CSMD1: variants seen among roughly 807,000 people sequenced by gnomAD.
The protein encoded by CSMD1 is CUB and sushi domain-containing protein 1.
Under a neutral mutation model 417.5 loss-of-function variants are expected in CSMD1, and 213 were observed. The observed-to-expected ratio is 0.51, with a 90% CI of 0.46 to 0.57. The LOEUF is 0.57. Ranked by LOEUF, CSMD1 falls within the 20% of genes least tolerant of loss-of-function variation. The pLI is 0.00. For missense variants in CSMD1, 6,923 were observed against 4,529.7 expected (o/e 1.53, Z -15.17); for synonymous variants, 2,862 against 1,736.8 (o/e 1.65, Z -16.11).
chr8:3,252,144 T>G (rs994238794), intron 26 of CSMD1, among the ~76,000 whole-genome samples: 2 of 152,240 alleles, frequency 1.3e-5, no homozygotes, highest in African/African-American at 4.8e-5. Flanking sequence ...TGTGACAGTT[T>G]GCAAAGGGAA....
intron 3 of CSMD1, among the ~76,000 whole-genome samples, chr8:4,169,187 A>G (rs751713805): frequency 2.0e-5 from 3 of 152,148 alleles, no homozygotes; most frequent in Non-Finnish European, 4.4e-5. Flanking sequence ...CAGAATGTTA[A>G]CATAGTGTAC....
Position 3,047,007 on chromosome 8 carries a change from AGACCAGCCT to A in CSMD1, c.7660+5446_7660+5454del, listed in dbSNP as rs112165805. 5.1e-3 allele frequency among the ~76,000 whole-genome samples: 774 copies of A among 152,186 alleles called. 7 individuals carry two copies. The highest frequency in any genetic ancestry group is 0.018 in the African/African-American group (735 of 41,534). On this transcript the variant is annotated intron_variant, in intron 50 of 69. Coordinates refer to ENST00000635120, the MANE Select transcript of CSMD1 (RefSeq NM_033225.6). Reference sequence around the variant, plus strand: ...GGTGAATCATGAAGTCAGGAGTTTGAGACCAGCCTGGCCAACATGGTGAAACCCTGTCTC... The same window carrying A: ...GGTGAATCATGAAGTCAGGAGTTTGAGGCCAACATGGTGAAACCCTGTCTC...
At chr8:4,688,851 G>T (rs765160578) in intron 1 of CSMD1, among the ~76,000 whole-genome samples, 2 of 152,186 alleles carry the variant, frequency 1.3e-5, no homozygotes, top group Non-Finnish European at 2.9e-5. Context: ...GTTGTAGACA[G>T]GGGAAATGAA....
At chr8:4,935,341 G>T (rs556448458) in intron 1 of CSMD1, among the ~76,000 whole-genome samples, 1 of 152,150 alleles carries the variant, frequency 6.6e-6, no homozygotes, top group African/African-American at 2.4e-5. Flanking sequence ...GCGCCCTCTG[G>T]GTGGAGACAT....
intron 7 of CSMD1, among the ~76,000 whole-genome samples, chr8:3,698,761 C>T (rs1047852058): frequency 6.6e-6 from 1 of 152,166 alleles, no homozygotes; most frequent in African/African-American, 2.4e-5. Context: ...TGAAGATTAT[C>T]CATATGCGGA....
intron 1 of CSMD1, among the ~76,000 whole-genome samples, chr8:4,640,271 A>G (rs935064511): frequency 6.6e-6 from 1 of 152,230 alleles, no homozygotes; most frequent in African/African-American, 2.4e-5. Context: ...TTCTTAGCAG[A>G]ATGAATATCA....
chr8:3,967,766 C>A (rs193223507), intron 5 of CSMD1, among the ~76,000 whole-genome samples: 1 of 152,168 alleles, frequency 6.6e-6, no homozygotes, highest in Admixed American at 6.5e-5. Flanking sequence ...TTTAATATTA[C>A]GTGTGAACTA....
chr8:3,979,076 G>C (rs531110975), intron 5 of CSMD1, among the ~76,000 whole-genome samples: 2 of 152,322 alleles, frequency 1.3e-5, no homozygotes, highest in Non-Finnish European at 2.9e-5. Context: ...GATGTGCACA[G>C]CGACCTTTGA....
chr8:3,872,468 T>G (rs1380577045), intron 5 of CSMD1, among the ~76,000 whole-genome samples: 2 of 152,126 alleles, frequency 1.3e-5, no homozygotes, highest in Non-Finnish European at 2.9e-5. Context: ...GAAAAAGCTG[T>G]GGGACAAGGC....
At chr8:4,790,962 A>T (rs778728165) in intron 1 of CSMD1, among the ~76,000 whole-genome samples, 2 of 152,246 alleles carry the variant, frequency 1.3e-5, no homozygotes, top group African/African-American at 4.8e-5. Flanking sequence ...CAACTAAGAC[A>T]AAAGTAAAAA....
At chr8:4,676,363 C>T (rs1006648349) in intron 1 of CSMD1, among the ~76,000 whole-genome samples, 7 of 152,134 alleles carry the variant, frequency 4.6e-5, no homozygotes, top group Non-Finnish European at 1.0e-4. Flanking sequence ...TGCACCACTG[C>T]CCTAATATTA....
At chr8:4,293,915 T>C (rs1374934941) in intron 3 of CSMD1, among the ~76,000 whole-genome samples, 2 of 151,892 alleles carry the variant, frequency 1.3e-5, no homozygotes, top group East Asian at 1.9e-4. Flanking sequence ...CCTATTAGTG[T>C]CTACTGTAGA....
intron 41 of CSMD1, among the ~76,000 whole-genome samples, chr8:3,134,866 G>A (rs1817990074): frequency 6.6e-6 from 1 of 152,130 alleles, no homozygotes; most frequent in Admixed American, 6.5e-5. Flanking sequence ...GAATTTATGT[G>A]GAAATCAGGA....
chr8:3,039,584 C>T (rs1480026126), intron 50 of CSMD1, among the ~76,000 whole-genome samples: 5 of 151,786 alleles, frequency 3.3e-5, no homozygotes, highest in African/African-American at 1.2e-4. Context: ...TACATTATGA[C>T]AATAAACTTC....
intron 18 of CSMD1, among the ~76,000 whole-genome samples, chr8:3,373,908 C>T (rs976357633): frequency 6.6e-5 from 10 of 151,556 alleles, no homozygotes; most frequent in Admixed American, 1.3e-4. Flanking sequence ...AGGAGACATA[C>T]GTTGTGATAT....
chr8:4,882,379 T>C lies in CSMD1; in HGVS notation c.85+111953A>G, dbSNP rs149325191. Among the ~76,000 whole-genome samples the C allele has an allele frequency of 1.5e-3, 220 of 151,680 alleles. 2 individuals are homozygous for C. The highest frequency in any genetic ancestry group is 4.7e-3 in the African/African-American group (195 of 41,250). On this transcript the variant is annotated intron_variant, in intron 1 of 69. Coordinates refer to ENST00000635120, the MANE Select transcript of CSMD1 (RefSeq NM_033225.6). ...GGCAATGGGGAGTACCGGAGGGAAATTGAAGAGTATTGGGGAGCGAGTTTG... is the reference window on the plus strand; with the variant it reads ...GGCAATGGGGAGTACCGGAGGGAAACTGAAGAGTATTGGGGAGCGAGTTTG...
chr8:4,759,242 G>A (rs145133530), intron 1 of CSMD1, among the ~76,000 whole-genome samples: 19 of 152,086 alleles, frequency 1.2e-4, no homozygotes, highest in African/African-American at 3.4e-4. Flanking sequence ...CATCAGTGTC[G>A]TTGGATGATG....
At chr8:3,581,128 T>C (rs1223400824) in intron 9 of CSMD1, among the ~76,000 whole-genome samples, 1 of 152,156 alleles carries the variant, frequency 6.6e-6, no homozygotes, top group Non-Finnish European at 1.5e-5. Context: ...AGAAGTTCTC[T>C]ACATAAATCG....
intron 4 of CSMD1, among the ~76,000 whole-genome samples, chr8:4,015,000 C>A (rs1035622766): frequency 6.6e-6 from 1 of 152,122 alleles, no homozygotes; most frequent in Non-Finnish European, 1.5e-5. Context: ...ATATGCAAAC[C>A]ACGTAGACCA....
Sources: gnomAD v4.1 joint callset for allele counts (sites outside exome capture counted in the v4.1 genomes callset) on GRCh38, gnomAD v4.1.1 for gene constraint, MANE v1.5 for transcripts, NCBI Gene and HGNC (gene_info 2026-07-23, HGNC 2026-07-21) for gene names.